Variants in FCER2 observed in about 807,000 individuals in gnomAD.
FCER2 encodes Fc epsilon receptor II.
Under a neutral mutation model 49.7 loss-of-function variants are expected in FCER2, and 38 were observed. The ratio of observed to expected loss-of-function variants is 0.76; its 90% CI spans 0.59 to 1.00. The LOEUF (loss-of-function observed/expected upper bound fraction) is 1.00. Among genes scored for constraint, FCER2 ranks in the 50% least tolerant of loss-of-function variants. The probability of loss-of-function intolerance (pLI) is 0.00; values close to 1 mark genes in which losing one functional copy is unlikely to be tolerated. For missense variants in FCER2, 425 were observed against 419.5 expected, an observed-to-expected ratio of 1.01 and a Z score of -0.11; for synonymous variants, 163 against 164.6, an observed-to-expected ratio of 0.99 and a Z score of 0.07.
chr19:7,690,186 C>G lies in FCER2; in HGVS notation c.701G>C (p.Trp234Ser). ...GTAGTCCACGTGGCTCCCATCCACC[C>G]AGATAAACTCCCCCTTCAGGTCCAA... is the stretch of plus-strand genomic sequence containing the variant. ...RNLDLKGEFI[W>S]VDGSHVDYSN... Residue 234 changes from tryptophan to serine, a missense_variant, in exon 10 of 11, where the codon TGG becomes TCG. Transcript: ENST00000597921. 6.2e-7 allele frequency: 1 copy of G among 1,613,582 alleles called. No individual in the cohort carries two copies. The highest frequency in any genetic ancestry group is 8.5e-7 in the Non-Finnish European group (1 of 1,179,502).
At chr19:7,698,932 A>C in intron 2 of FCER2, 78 bp from the exon 3 acceptor site, 1 of 1,443,568 alleles carries the variant, frequency 6.9e-7, no homozygotes, top group Middle Eastern at 1.8e-4. Context: ...CATTACCCAG[A>C]GCCCCCGACA....
intron 3 of FCER2, 21 bp from the exon 4 acceptor site, chr19:7,698,430 G>T (rs749299782): frequency 3.1e-6 from 5 of 1,589,030 alleles, no homozygotes; most frequent in Non-Finnish European, 3.4e-6. Flanking sequence ...GGAGAGAAGA[G>T]GAGTGGAGAG....
intron 8 of FCER2, among the ~76,000 whole-genome samples, chr19:7,694,273 G>T (rs1002386640): frequency 3.3e-5 from 5 of 152,166 alleles, no homozygotes; most frequent in Admixed American, 3.3e-4. Context: ...GCCAAGATGA[G>T]AGGATCACTT....
At chr19:7,698,974 G>A in intron 2 of FCER2, 120 bp from the exon 3 acceptor site, 1 of 1,052,286 alleles carries the variant, frequency 9.5e-7, no homozygotes, top group Non-Finnish European at 1.4e-6. Context: ...CCACACTGAA[G>A]CAAAGGGTCT....
chr19:7,701,428 A>T (rs1344516654), intron 1 of FCER2, among the ~76,000 whole-genome samples: 1 of 152,094 alleles, frequency 6.6e-6, no homozygotes, highest in African/African-American at 2.4e-5. Flanking sequence ...GTAAATTGGG[A>T]GTATTCAAAG....
At chr19:7,698,291 G>A in intron 4 of FCER2, 65 bp downstream of exon 4, 1 of 1,146,902 alleles carries the variant, frequency 8.7e-7, no homozygotes, top group Non-Finnish European at 1.3e-6. Context: ...GCCCAGAGAG[G>A]AGCGGGATGA....
At chr19:7,695,920 C>CTTTT (rs60387474) in intron 8 of FCER2, among the ~76,000 whole-genome samples, 57 of 80,694 alleles carry the variant, frequency 7.1e-4, no homozygotes, top group South Asian at 3.8e-3. Context: ...CCATCTCTCT[C>CTTTT]TTTTTTTTTT....
At position 7,689,358 on chromosome 19, in the gene FCER2, G is replaced by GCGAC; in HGVS notation, c.797_800dup (p.Trp268SerfsTer10). The GCGAC allele has an allele frequency of 1.9e-6, 3 of 1,610,660 alleles. No individual in the cohort carries two copies. Among genetic ancestry groups the GCGAC allele is most frequent in the Non-Finnish European group, 2.5e-6 (3 of 1,178,948 alleles). ...TACGGTCGCAGAAGGCGTCGTTCCA[G>GCGAC]CGACCGGAGCCCCGCATCATCACGC... On this transcript the variant is annotated frameshift_variant, in exon 11 of 11. Coordinates refer to ENST00000597921, the MANE Select transcript of FCER2 (RefSeq NM_001220500.2). LOFTEE classifies it high-confidence loss of function.
In FCER2 at chr19:7,689,279, C is replaced by T. The variant is rs764422551; in HGVS notation, c.880G>A (p.Glu294Lys). 21 of 1,613,564 alleles carry T rather than the reference C, an allele frequency of 1.3e-5. No individual in the cohort carries two copies. Among genetic ancestry groups the T allele is most frequent in the South Asian group, 2.2e-5 (2 of 91,052 alleles). The stretch of plus-strand genomic sequence containing the variant: ...GGTCCCATGGACTCCGCGGAACCTT[C>T]GCTGGCTGGCGGCGTGCATGTGGCC... ...RLATCTPPASEGSAESMGPDS... is the reference protein window; with the variant it reads ...RLATCTPPASKGSAESMGPDS... The change falls in exon 11 of 11, where the codon GAA (glutamate) becomes AAA (lysine). Residue 294 changes from glutamate to lysine, a missense_variant. By Grantham distance (56) the Glu-to-Lys change is moderately conservative. Coordinates refer to ENST00000597921, the MANE Select transcript of FCER2 (RefSeq NM_001220500.2).
In FCER2 at chr19:7,689,015, G is replaced by C. The variant is rs914233407; in HGVS notation, c.*178C>G. 1 of 600,926 alleles carries C rather than the reference G, an allele frequency of 1.7e-6. No individual in the cohort carries two copies. Among genetic ancestry groups the C allele is most frequent in the African/African-American group, 1.9e-5 (1 of 53,948 alleles). The allele number at this position is 600,926 out of a possible 1,614,324, so 37.2% of individuals were successfully genotyped here. A position where few individuals can be genotyped will look rare whatever the true frequency, so the allele number is the denominator to read the frequency against. On this transcript the variant is annotated 3_prime_UTR_variant, in exon 11 of 11. Transcript: ENST00000597921. ...GCTGTTGGGGGCACTCCCATCTGGA[G>C]AGGGTGCTGTTGGGGTGTACTCCTG... is the stretch of plus-strand genomic sequence containing the variant.
chr19:7,693,237 C>A (rs949724931), intron 8 of FCER2, among the ~76,000 whole-genome samples: 1 of 152,168 alleles, frequency 6.6e-6, no homozygotes, highest in Non-Finnish European at 1.5e-5. Context: ...ACCCGCCAAA[C>A]CAGCACTCCT....
rs1158418400 is a variant in FCER2 at position 7,695,912 on chromosome 19, A to ATC, written c.469+911_469+912dup. Among the ~76,000 whole-genome samples the ATC allele has an allele frequency of 3.6e-3, 485 of 135,092 alleles. 8 individuals are homozygous for ATC. Among genetic ancestry groups the ATC allele is most frequent in the Middle Eastern group, 7.6e-3 (2 of 262 alleles). 88.6% of individuals were successfully genotyped at this position (135,092 alleles called of 152,430 possible). ...AGCCTGGGCAAAAGAGTAAGACTCC[A>ATC]TCTCTCTCTTTTTTTTTTTTTTTTT... is the stretch of plus-strand genomic sequence containing the variant. On this transcript the variant is annotated intron_variant, in intron 8 of 10. Coordinates refer to ENST00000597921, the MANE Select transcript of FCER2 (RefSeq NM_001220500.2).
At chr19:7,692,205 A>G (rs952513386) in intron 8 of FCER2, among the ~76,000 whole-genome samples, 7 of 125,662 alleles carry the variant, frequency 5.6e-5, no homozygotes, top group African/African-American at 2.5e-4. Context: ...CAACACCATC[A>G]CCACGAGCAC....
chr19:7,689,484 C>G (rs2032799722), intron 10 of FCER2, 54 bp from the exon 11 acceptor site: 1 of 1,175,972 alleles, frequency 8.5e-7, no homozygotes, highest in African/African-American at 1.5e-5. Flanking sequence ...GAGCCCAGTT[C>G]CCGGCAGCCC....
intron 1 of FCER2, 65 bp from the exon 2 acceptor site, chr19:7,699,910 A>G: frequency 1.3e-6 from 1 of 747,176 alleles, no homozygotes; most frequent in South Asian, 1.6e-5. Flanking sequence ...ACAGGATAGC[A>G]TCTGGGACTT....
chr19:7,696,631 G>T, intron 8 of FCER2, 194 bp downstream of exon 8: 1 of 592,028 alleles, frequency 1.7e-6, no homozygotes. Context: ...CCGTCATCAC[G>T]CACACCTCTG....
In FCER2 at chr19:7,697,236, C is replaced by G. The variant is rs866167964; in HGVS notation, c.316G>C (p.Asp106His). The change falls in exon 6 of 11, where the codon GAC (aspartate) becomes CAC (histidine). Residue 106 changes from aspartate to histidine, a missense_variant and splice_region_variant. Coordinates refer to ENST00000597921, the MANE Select transcript of FCER2 (RefSeq NM_001220500.2). Reference sequence around the variant, plus strand: ...CATAACCCCGATCCCAGTCTCTCACCCTGAGATTTCAATCTCTGCTGTTCA... The same window carrying G: ...CATAACCCCGATCCCAGTCTCTCACGCTGAGATTTCAATCTCTGCTGTTCA... ...RAEQQRLKSQ[D>H]LELSWNLNGL... 6.2e-7 allele frequency: 1 copy of G among 1,614,078 alleles called. No homozygotes were observed. Among genetic ancestry groups the G allele is most frequent in the East Asian group, 2.2e-5 (1 of 44,882 alleles).
At position 7,699,477 on chromosome 19, in the gene FCER2, GTTTTTT is replaced by G. The variant is rs55828544; in HGVS notation, c.22+256_22+261del. 1.0e-4 allele frequency: 129 copies of G among 1,261,416 alleles called. 1 individual carries two copies. In the East Asian group the frequency reaches 1.5e-3, roughly 14 times the overall value. The allele number at this position is 1,261,416 out of a possible 1,614,324, so 78.1% of individuals were successfully genotyped here. On this transcript the variant is annotated intron_variant, in intron 2 of 10. Transcript: ENST00000597921. The stretch of plus-strand genomic sequence containing the variant: ...GGCTCCCCGCTCCCTAGCTGAAGCC[GTTTTTT>G]TTTTTTTTTCTTTTTCTTTTTTTGT...
chr19:7,699,278 C>A, intron 2 of FCER2: 1 of 671,676 alleles, frequency 1.5e-6, no homozygotes. Flanking sequence ...GCCACTTTCC[C>A]AGGTGTCATC....
Sources: gnomAD v4.1 joint callset for allele counts (sites outside exome capture counted in the v4.1 genomes callset) on GRCh38, gnomAD v4.1.1 for gene constraint, MANE v1.5 for transcripts, NCBI Gene and HGNC (gene_info 2026-07-23, HGNC 2026-07-21) for gene names.